The following PSMD5 variants were observed in gnomAD, a reference collection of about 807,000 sequenced individuals.
PSMD5 encodes the protein proteasome 26S subunit, non-ATPase 5.
PSMD5 carries 40 observed loss-of-function variants against 52.1 expected under a neutral mutation model. The ratio of observed to expected loss-of-function variants is 0.77; its 90% CI spans 0.60 to 1.00. The LOEUF (loss-of-function observed/expected upper bound fraction) is 1.00, where lower values mean the gene tolerates loss of function less well. Among genes scored for constraint, PSMD5 ranks in the 50% least tolerant of loss-of-function variants. PSMD5 has a pLI of 0.00. For synonymous variants in PSMD5, 211 were observed against 226.6 expected (o/e 0.93, Z 0.62); for missense variants, 575 against 605.2 (o/e 0.95, Z 0.52).
intron 2 of PSMD5, among the ~76,000 whole-genome samples, chr9:120,832,202 A>G (rs2045166027): frequency 6.6e-6 from 1 of 152,200 alleles, no homozygotes; most frequent in Non-Finnish European, 1.5e-5. Context: ...ATACAAACCC[A>G]GCTCTATGTT....
At chr9:120,826,735 A>AT (rs765520260) in intron 6 of PSMD5, 30 bp downstream of exon 6, 2 of 1,606,802 alleles carry the variant, frequency 1.2e-6, no homozygotes. Context: ...AACACGCACC[A>AT]TCATTTCCAT....
chr9:120,836,050 GTC>G (rs909663325), intron 1 of PSMD5, among the ~76,000 whole-genome samples: 1 of 152,078 alleles, frequency 6.6e-6, no homozygotes, highest in African/African-American at 2.4e-5. Context: ...TCCACTTTCT[GTC>G]TCTCTAGATT....
intron 5 of PSMD5, among the ~76,000 whole-genome samples, chr9:120,828,852 A>C (rs1017550383): frequency 1.2e-4 from 19 of 152,254 alleles, no homozygotes; most frequent in African/African-American, 4.6e-4. Flanking sequence ...AAGAGCACAC[A>C]GGCCTAGGGA....
chr9:120,832,638 C>T (rs905365106), intron 2 of PSMD5, among the ~76,000 whole-genome samples: 9 of 152,178 alleles, frequency 5.9e-5, no homozygotes, highest in Non-Finnish European at 8.8e-5. Context: ...TCAGGTGATC[C>T]GCCTGCCTTG....
At chr9:120,828,371 C>G (rs921140806) in intron 5 of PSMD5, among the ~76,000 whole-genome samples, 1 of 151,208 alleles carries the variant, frequency 6.6e-6, no homozygotes, top group African/African-American at 2.4e-5. Context: ...ATTATCTGTC[C>G]AAGGCCAAAC....
chr9:120,839,897 G>A (rs1218645053), intron 1 of PSMD5, among the ~76,000 whole-genome samples: 1 of 146,054 alleles, frequency 6.8e-6, no homozygotes, highest in Non-Finnish European at 1.5e-5. Context: ...AGGCAAGGCA[G>A]ATCACTTGAG....
At position 120,842,913 on chromosome 9, in the gene PSMD5, G is replaced by T. The variant is rs1004349083; in HGVS notation, c.-4C>A. On this transcript the variant is annotated 5_prime_UTR_variant, in exon 1 of 10. Transcript: ENST00000210313. Reference sequence around the variant, plus strand: ...GCGCCAAAGCCTGGGCTGCCATCTTGCCCCCCGACGCAGGGGCTGGCCCAG... The same window carrying T: ...GCGCCAAAGCCTGGGCTGCCATCTTTCCCCCCGACGCAGGGGCTGGCCCAG... 28 of 1,574,278 alleles carry T rather than the reference G, an allele frequency of 1.8e-5. 1 individual carries two copies. Among genetic ancestry groups the T allele is most frequent in the South Asian group, 1.1e-4 (10 of 88,116 alleles).
At position 120,820,924 on chromosome 9, in the gene PSMD5, A is replaced by G. The variant is rs1400122815; in HGVS notation, c.1172T>C (p.Leu391Ser). Residue 391 changes from leucine (L) to serine (S), a missense_variant, in exon 9 of 10, where the codon TTA becomes TCA. By Grantham distance (145) the Leu-to-Ser change is moderately radical (BLOSUM62 -2). Coordinates refer to ENST00000210313, the MANE Select transcript of PSMD5 (RefSeq NM_005047.4). ...LRMTESWFSS[L>S]SRDPLELFRG... ...GAAGAGCTCCAGTGGATCCCGAGAT[A>G]AAGAAGAAAACCAGGATTCTGTCAT... 2 of 1,608,450 alleles carry G rather than the reference A, an allele frequency of 1.2e-6. No individual in the cohort carries two copies. Among genetic ancestry groups the G allele is most frequent in the African/African-American group, 1.3e-5 (1 of 74,858 alleles).
chr9:120,840,469 T>TG (rs1220014344), intron 1 of PSMD5, among the ~76,000 whole-genome samples: 1 of 145,980 alleles, frequency 6.9e-6, no homozygotes, highest in African/African-American at 2.5e-5. Flanking sequence ...TATCTTGAGA[T>TG]GGAGTCTCAC....
chr9:120,822,858 T>C (rs1178448868), intron 7 of PSMD5, among the ~76,000 whole-genome samples: 1 of 151,978 alleles, frequency 6.6e-6, no homozygotes, highest in African/African-American at 2.4e-5. Context: ...AGATGGGGTC[T>C]CACTCTGTCA....
At chr9:120,827,024 A>C (rs2045127760) in intron 5 of PSMD5, 117 bp from the exon 6 acceptor site, 1 of 1,079,324 alleles carries the variant, frequency 9.3e-7, no homozygotes. Context: ...AAAGGTCAAT[A>C]ATCTTGGCTC....
chr9:120,820,709 G>A, intron 9 of PSMD5, 130 bp downstream of exon 9: 2 of 837,818 alleles, frequency 2.4e-6, no homozygotes, highest in South Asian at 3.3e-5. Context: ...AGTCTCTAAG[G>A]TAGCAGAAGG....
At chr9:120,838,179 A>G (rs1389556727) in intron 1 of PSMD5, among the ~76,000 whole-genome samples, 1 of 152,240 alleles carries the variant, frequency 6.6e-6, no homozygotes, top group African/African-American at 2.4e-5. Flanking sequence ...TACATTCACT[A>G]TCTTAATTGT....
At chr9:120,833,022 T>C (rs1379573927) in intron 2 of PSMD5, among the ~76,000 whole-genome samples, 1 of 152,250 alleles carries the variant, frequency 6.6e-6, no homozygotes, top group Non-Finnish European at 1.5e-5. Flanking sequence ...TAACAGCATA[T>C]GGCACCATGC....
chr9:120,826,842 T>G lies in PSMD5; in HGVS notation c.737A>C (p.Gln246Pro). The change falls in exon 6 of 10, where the codon CAA (glutamine) becomes CCA (proline). Residue 246 changes from glutamine to proline, a missense_variant. Physicochemically the swap from Gln to Pro is moderately conservative, Grantham distance 76. Coordinates refer to ENST00000210313, the MANE Select transcript of PSMD5 (RefSeq NM_005047.4). ...AGAAATTTGGTCAATTACTCCTTCT[T>G]GAGCAAGATATTGTCGCCCATGATG... ...YTHHGRQYLA[Q>P]EGVIDQISNI... The G allele has an allele frequency of 6.2e-7, 1 of 1,613,456 alleles. No individual in the cohort carries two copies. Among genetic ancestry groups the G allele is most frequent in the Non-Finnish European group, 8.5e-7 (1 of 1,179,360 alleles).
chr9:120,831,066 T>C (rs2045156436), intron 4 of PSMD5, among the ~76,000 whole-genome samples: 1 of 152,134 alleles, frequency 6.6e-6, no homozygotes, highest in Admixed American at 6.5e-5. Flanking sequence ...AAAATCGTTG[T>C]AGAGATGGGG....
intron 8 of PSMD5, 96 bp downstream of exon 8, chr9:120,821,259 C>G: frequency 1.1e-6 from 1 of 881,362 alleles, no homozygotes; most frequent in Non-Finnish European, 1.7e-6. Flanking sequence ...GGGTTATCTT[C>G]TTGTATTTAC....
intron 1 of PSMD5, among the ~76,000 whole-genome samples, chr9:120,837,292 G>A (rs2045205148): frequency 6.6e-6 from 1 of 152,218 alleles, no homozygotes; most frequent in Non-Finnish European, 1.5e-5. Context: ...AAAGTGCTGG[G>A]ATTACAGGCG....
At chr9:120,831,969 A>G in intron 2 of PSMD5, 24 bp from the exon 3 acceptor site, 1 of 1,606,488 alleles carries the variant, frequency 6.2e-7, no homozygotes, top group Non-Finnish European at 8.5e-7. Flanking sequence ...AATCAGAAAC[A>G]CTCTTCTAAA....
Sources: allele counts gnomAD v4.1 joint callset (sites outside exome capture counted in the v4.1 genomes callset), GRCh38; gene constraint gnomAD v4.1.1; transcripts MANE v1.5; gene names NCBI Gene and HGNC (gene_info 2026-07-23, HGNC 2026-07-21).